ADAMTS13: variants seen among roughly 807,000 people sequenced by gnomAD.
The protein encoded by ADAMTS13 is A disintegrin and metalloproteinase with thrombospondin motifs 13.
A neutral mutation model predicts 155.1 loss-of-function variants in ADAMTS13; 110 were observed. The observed-to-expected ratio is 0.71, with a 90% CI of 0.61 to 0.83. The LOEUF (loss-of-function observed/expected upper bound fraction) is 0.83. Among genes scored for constraint, ADAMTS13 ranks in the 40% least tolerant of loss-of-function variants. The pLI is 0.00. For synonymous variants in ADAMTS13, 758 were observed against 756.4 expected (o/e 1.00, Z -0.03); for missense variants, 1,707 against 1,891.7 (o/e 0.90, Z 1.81).
chr9:133,425,574 G>A lies in ADAMTS13; in HGVS notation c.376G>A (p.Val126Met), dbSNP rs1554785000. 2.5e-6 allele frequency: 4 copies of A among 1,613,730 alleles called. No individual in the cohort carries two copies. The highest frequency in any genetic ancestry group is 1.1e-5 in the South Asian group (1 of 91,044). Residue 126 changes from valine (V) to methionine (M), a missense_variant, in exon 4 of 29, where the codon GTG becomes ATG. Physicochemically the swap from Val to Met is conservative, Grantham distance 21. Coordinates refer to ENST00000355699, the MANE Select transcript of ADAMTS13 (RefSeq NM_139027.6). The surrounding 1 kb of genome is among the most constrained non-coding windows in gnomAD (Gnocchi z 4.6). ...CCCGTCCCTGGGGGCTCAGTTTCGG[G>A]TGCACCTGGTGAAGATGGTCATTCT... is the stretch of plus-strand genomic sequence containing the variant. The part of the protein sequence containing the change: ...RDPSLGAQFR[V>M]HLVKMVILTE...
chr9:133,439,332 G>A (rs1841486593), intron 14 of ADAMTS13, 34 bp from the exon 15 acceptor site: 1 of 1,502,096 alleles, frequency 6.7e-7, no homozygotes, highest in Non-Finnish European at 9.3e-7. Context: ...TGGCTGTGAG[G>A]TCCACGCATC....
upstream of ADAMTS13, chr9:133,417,607 C>T (rs1554781917): frequency 6.2e-7 from 1 of 1,612,502 alleles, no homozygotes; most frequent in Admixed American, 1.7e-5. Flanking sequence ...GCCCGGGCCC[C>T]CTCAAGCCTC....
rs1840852305 is a variant in ADAMTS13 at position 133,432,605 on chromosome 9, C to T, written c.1005C>T (p.Leu335=). The T allele has an allele frequency of 6.4e-7, 1 of 1,553,714 alleles. No individual in the cohort carries two copies. Among genetic ancestry groups the T allele is most frequent in the Admixed American group, 1.9e-5 (1 of 51,296 alleles). Residue 335 remains leucine (L), a synonymous_variant, in exon 9 of 29, where the codon CTC becomes CTT. Transcript: ENST00000355699. ...AREHLDMCQA[L]SCHTDPLDQS... ...CCTCCTAGGATATGTGCCAGGCCCT[C>T]TCCTGCCACACAGACCCGCTGGACC...
In ADAMTS13 at chr9:133,440,239, C is replaced by G; in HGVS notation, c.1787-105C>G. On this transcript the variant is annotated intron_variant, in intron 15 of 28. Coordinates refer to ENST00000355699, the MANE Select transcript of ADAMTS13 (RefSeq NM_139027.6). This position sits in a 1 kb window ranked among gnomAD's most constrained non-coding sequence, Gnocchi z 4.3. The stretch of plus-strand genomic sequence containing the variant: ...CCTCTAGCTCAGATGCCTGTGGCTC[C>G]TTAGAGGAGGGCTGGGGACCCCGGG... 6.8e-7 allele frequency: 1 copy of G among 1,463,360 alleles called. No individual in the cohort carries two copies. Among genetic ancestry groups the G allele is most frequent in the Non-Finnish European group, 9.5e-7 (1 of 1,055,772 alleles). The allele number at this position is 1,463,360 out of a possible 1,614,324, so 90.6% of individuals were successfully genotyped here.
At chr9:133,414,935 T>C in intron 1 of ADAMTS13, 1 of 1,613,710 alleles carries the variant, frequency 6.2e-7, no homozygotes, top group African/African-American at 1.3e-5. Flanking sequence ...CTGGATAATT[T>C]TGGGCTTCTT....
rs1841698165 is a variant in ADAMTS13, at chr9:133,441,909, CT to C, written c.1969-487del. Among the ~76,000 whole-genome samples, 1 of 152,192 alleles carries C rather than the reference CT, an allele frequency of 6.6e-6. No homozygotes were observed. Among genetic ancestry groups the C allele is most frequent in the Non-Finnish European group, 1.5e-5 (1 of 68,030 alleles). On this transcript the variant is annotated intron_variant, in intron 16 of 28. Transcript: ENST00000355699. This position sits in a 1 kb window ranked among gnomAD's most constrained non-coding sequence, Gnocchi z 5.0. ...AGGTGGGCCTGCCTCCTCCACTGCACTTTATCCTCTACCCAGCCAGCTTAGG... is the reference window on the plus strand; with the variant it reads ...AGGTGGGCCTGCCTCCTCCACTGCACTTATCCTCTACCCAGCCAGCTTAGG...
At chr9:133,434,589 C>T (rs1391187020) in intron 11 of ADAMTS13, among the ~76,000 whole-genome samples, 1 of 152,184 alleles carries the variant, frequency 6.6e-6, no homozygotes, top group Non-Finnish European at 1.5e-5. Flanking sequence ...ACAGGTGTCA[C>T]TGCGCCTGGC....
intron 27 of ADAMTS13, among the ~76,000 whole-genome samples, chr9:133,457,409 A>T (rs1192961920): frequency 6.6e-6 from 1 of 152,136 alleles, no homozygotes; most frequent in Non-Finnish European, 1.5e-5. Flanking sequence ...TATGTGTCCC[A>T]GTGCACAGGC....
In ADAMTS13 at chr9:133,458,884, C is replaced by T. The variant is rs150473449; in HGVS notation, c.3910-90C>T. Reference sequence around the variant, plus strand: ...GGCTTTGTAAGCATTAAATGTGATCCGGAATCTGTGAGCCCTTGCACACGA... The same window carrying T: ...GGCTTTGTAAGCATTAAATGTGATCTGGAATCTGTGAGCCCTTGCACACGA... On this transcript the variant is annotated intron_variant, in intron 28 of 28. Coordinates refer to ENST00000355699, the MANE Select transcript of ADAMTS13 (RefSeq NM_139027.6). 260 of 1,190,076 alleles carry T rather than the reference C, an allele frequency of 2.2e-4. No individual in the cohort carries two copies. In the East Asian group the frequency reaches 5.9e-3, roughly 27 times the overall value. 73.7% of individuals were successfully genotyped at this position (1,190,076 alleles called of 1,614,324 possible). A position where few individuals can be genotyped will look rare whatever the true frequency, so the allele number is the denominator to read the frequency against.
At chr9:133,416,677 G>A (rs1839630537) in intron 1 of ADAMTS13, among the ~76,000 whole-genome samples, 1 of 152,200 alleles carries the variant, frequency 6.6e-6, no homozygotes, top group South Asian at 2.1e-4. Context: ...TCACTAGGGA[G>A]ACAGCAGGTA....
intron 27 of ADAMTS13, among the ~76,000 whole-genome samples, chr9:133,457,376 A>G (rs1842810684): frequency 6.6e-6 from 1 of 151,784 alleles, no homozygotes; most frequent in Admixed American, 6.6e-5. Context: ...CTTGCCCCAG[A>G]CCTGCCCGGG....
intron 19 of ADAMTS13, 93 bp from the exon 20 acceptor site, chr9:133,444,770 C>A: frequency 7.5e-7 from 1 of 1,325,952 alleles, no homozygotes; most frequent in Non-Finnish European, 1.0e-6. Context: ...TGTTGGGGAG[C>A]AGGTCCCCTT....
intron 8 of ADAMTS13, among the ~76,000 whole-genome samples, chr9:133,430,997 G>A (rs1171600050): frequency 2.0e-5 from 3 of 151,844 alleles, no homozygotes; most frequent in Admixed American, 6.6e-5. Context: ...ACAGGGCCTC[G>A]TTCTGTTGCC....
chr9:133,414,445 C>T (rs1839431017), exon 1 of ADAMTS13: 10 of 696,996 alleles, frequency 1.4e-5, no homozygotes, highest in Admixed American at 2.0e-5. Flanking sequence ...CTGGCACCCA[C>T]TAAATGCTGA....
At chr9:133,431,478 C>A (rs1840761598) in intron 8 of ADAMTS13, among the ~76,000 whole-genome samples, 1 of 151,944 alleles carries the variant, frequency 6.6e-6, no homozygotes, top group African/African-American at 2.4e-5. Context: ...AGGCATGTGC[C>A]ACCATGCCCA....
chr9:133,422,686 G>A (rs587764509), intron 1 of ADAMTS13, 138 bp downstream of exon 1: 8 of 798,498 alleles, frequency 1.0e-5, no homozygotes, highest in Non-Finnish European at 1.4e-5. Context: ...TCTGTACTTG[G>A]GGCTTTGGGG....
At chr9:133,417,816 T>C, upstream of ADAMTS13, 2 of 1,604,694 alleles carry the variant, frequency 1.2e-6, no homozygotes, top group Middle Eastern at 1.8e-4. Context: ...CGGGGCGCGC[T>C]TGGAGGCGGG....
Position 133,422,526 on chromosome 9 carries a change from G to A in ADAMTS13, c.83G>A (p.Trp28Ter), listed in dbSNP as rs964642490. The change falls in exon 1 of 29, where the codon TGG becomes TAG. Residue 28 changes from tryptophan (W) to a stop codon, truncating the protein, a stop_gained. Coordinates refer to ENST00000355699, the MANE Select transcript of ADAMTS13 (RefSeq NM_139027.6). LOFTEE classifies it high-confidence loss of function. The stretch of plus-strand genomic sequence containing the variant: ...GCCTGTGGCTTTCTCCTGGGCTGCT[G>A]GGGACCCTCCCATTTCCAGCAGGTG... ...ILACGFLLGC[W>*]GPSHFQQSCL... The A allele has an allele frequency of 1.1e-5, 18 of 1,614,106 alleles. No homozygotes were observed. The highest frequency in any genetic ancestry group is 1.5e-5 in the Non-Finnish European group (18 of 1,180,006).
At position 133,438,406 on chromosome 9, in the gene ADAMTS13, A is replaced by G. The variant is rs73660489; in HGVS notation, c.1705+40A>G. 246 of 1,610,592 alleles carry G rather than the reference A, an allele frequency of 1.5e-4. No homozygotes were observed. In the African/African-American group the frequency reaches 2.9e-3, roughly 19 times the overall value. ...TCGGGGCAGAGGCTGGGCTTCCCCC[A>G]GCCTCCAAGATGGCCACAGCCCAGA... On this transcript the variant is annotated intron_variant, in intron 14 of 28. Transcript: ENST00000355699.
Sources: gnomAD v4.1 joint callset for allele counts (sites outside exome capture counted in the v4.1 genomes callset) on GRCh38, gnomAD v4.1.1 for gene constraint, Gnocchi (gnomAD v3.1) non-coding constraint, MANE v1.5 for transcripts, NCBI Gene and HGNC (gene_info 2026-07-23, HGNC 2026-07-21) for gene names.